Variants in DARS1 observed in about 807,000 individuals in gnomAD.
DARS1 encodes the protein aspartyl-tRNA synthetase 1.
In DARS1, 51 loss-of-function variants were observed where a neutral mutation model predicts 68.8. The observed-to-expected ratio is 0.74, with a 90% CI of 0.59 to 0.94. DARS1 has a LOEUF of 0.94. Among genes scored for constraint, DARS1 ranks in the 40% least tolerant of loss-of-function variants. The pLI is 0.00. For synonymous variants in DARS1, 203 were observed against 190.4 expected (o/e 1.07, Z -0.55); for missense variants, 607 against 597.3 (o/e 1.02, Z -0.17).
intron 3 of DARS1, among the ~76,000 whole-genome samples, chr2:135,968,045 A>G (rs1402152408): frequency 6.6e-6 from 1 of 152,174 alleles, no homozygotes; most frequent in African/African-American, 2.4e-5. Context: ...AGATCACCTG[A>G]GGTCAGGAGT....
At chr2:135,927,626 C>T (rs945621525) in intron 7 of DARS1, among the ~76,000 whole-genome samples, 1 of 152,052 alleles carries the variant, frequency 6.6e-6, no homozygotes, top group African/African-American at 2.4e-5. Context: ...TATATGCCTC[C>T]TAGTACTGGG....
intron 15 of DARS1, among the ~76,000 whole-genome samples, chr2:135,907,665 C>A (rs755922416): frequency 6.6e-6 from 1 of 151,978 alleles, no homozygotes; most frequent in Non-Finnish European, 1.5e-5. Flanking sequence ...AAAATCTATA[C>A]GAATGAACAA....
intron 4 of DARS1, among the ~76,000 whole-genome samples, chr2:135,954,342 AAAAG>A (rs1016909313): frequency 6.6e-6 from 1 of 151,466 alleles, no homozygotes; most frequent in Non-Finnish European, 1.5e-5. Context: ...AAAAAAAAAA[AAAAG>A]AGAGAGAGAA....
At chr2:135,957,604 G>T (rs541538143) in intron 4 of DARS1, among the ~76,000 whole-genome samples, 14 of 152,100 alleles carry the variant, frequency 9.2e-5, no homozygotes, top group Non-Finnish European at 1.8e-4. Flanking sequence ...TCAAGTGAAC[G>T]GCCCATTTTG....
At chr2:135,941,731 A>C (rs902649296) in intron 5 of DARS1, among the ~76,000 whole-genome samples, 11 of 151,950 alleles carry the variant, frequency 7.2e-5, no homozygotes, top group Admixed American at 6.5e-4. Flanking sequence ...CAACCTACAA[A>C]ATGGGAGAAA....
intron 7 of DARS1, among the ~76,000 whole-genome samples, chr2:135,929,011 G>GT (rs1390834653): frequency 2.0e-5 from 3 of 152,160 alleles, no homozygotes; most frequent in Admixed American, 2.0e-4. Flanking sequence ...GATTCCAGCT[G>GT]TATGTGTTCA....
rs188243739 is a variant in DARS1, at chr2:135,977,441, G to A, written c.217+1833C>T. ...AGTCGTAAAATAAAGGGATGGGTGTGAAGGGAAATATTCTTGGTTCAGGCT... is the reference window on the plus strand; with the variant it reads ...AGTCGTAAAATAAAGGGATGGGTGTAAAGGGAAATATTCTTGGTTCAGGCT... On this transcript the variant is annotated intron_variant, in intron 3 of 15. Transcript: ENST00000264161. Among the ~76,000 whole-genome samples the A allele has an allele frequency of 4.4e-3, 675 of 152,330 alleles. 3 individuals are homozygous for A. Among genetic ancestry groups the A allele is most frequent in the Non-Finnish European group, 7.3e-3 (494 of 68,020 alleles).
chr2:135,957,828 A>G (rs993482629), intron 4 of DARS1, among the ~76,000 whole-genome samples: 2 of 152,180 alleles, frequency 1.3e-5, no homozygotes, highest in African/African-American at 4.8e-5. Flanking sequence ...CAAATACCAA[A>G]CTACTGTAAA....
rs1287190190 is a variant in DARS1, at chr2:135,932,882, C to G, written c.505-40G>C. On this transcript the variant is annotated intron_variant, in intron 6 of 15. Transcript: ENST00000264161. ...AAAGAAAAGAAAAAAATAAATTTTA[C>G]TAATATTTTGAAGAGCACAAAAAAT... The G allele has an allele frequency of 2.1e-6, 2 of 955,854 alleles. 1 individual carries two copies. Among genetic ancestry groups the G allele is most frequent in the South Asian group, 3.0e-5 (2 of 67,382 alleles). The allele number at this position is 955,854 out of a possible 1,614,324, so 59.2% of individuals were successfully genotyped here.
chr2:135,966,204 G>C (rs1053526965), intron 3 of DARS1, among the ~76,000 whole-genome samples: 75 of 150,226 alleles, frequency 5.0e-4, no homozygotes, highest in African/African-American at 1.6e-3. Flanking sequence ...ACACAAGAAA[G>C]AACAGTGGCT....
rs771113496 is a variant in DARS1 at position 135,911,180 on chromosome 2, G to T, written c.1373C>A (p.Ser458Tyr). ...ATGAGGAGGGGCTCCAAAGCGGAAG[G>T]AATCAATGTAAGCCTTAATTTTCTC... ...DLEKIKAYID[S>Y]FRFGAPPHAG... The change falls in exon 15 of 16, where the codon TCC (serine) becomes TAC (tyrosine). Residue 458 changes from serine to tyrosine, a missense_variant. Transcript: ENST00000264161. The T allele has an allele frequency of 6.5e-7, 1 of 1,548,538 alleles. No homozygotes were observed. Among genetic ancestry groups the T allele is most frequent in the South Asian group, 1.1e-5 (1 of 89,600 alleles).
At chr2:135,921,959 GTATT>G (rs1681116510) in intron 9 of DARS1, among the ~76,000 whole-genome samples, 2 of 152,116 alleles carry the variant, frequency 1.3e-5, no homozygotes, top group Non-Finnish European at 2.9e-5. Context: ...CTATTAGCAA[GTATT>G]TAATTTTTAT....
Position 135,983,400 on chromosome 2 carries a change from GT to G in DARS1, c.120del (p.Lys40AsnfsTer12). 2 of 1,113,982 alleles carry G rather than the reference GT, an allele frequency of 1.8e-6. No homozygotes were observed. The highest frequency in any genetic ancestry group is 2.7e-6 in the Non-Finnish European group (2 of 731,174). The allele number at this position is 1,113,982 out of a possible 1,614,324, so 69.0% of individuals were successfully genotyped here. A position where few individuals can be genotyped will look rare whatever the true frequency, so the allele number is the denominator to read the frequency against. On this transcript the variant is annotated frameshift_variant, in exon 2 of 16. Coordinates refer to ENST00000264161, the MANE Select transcript of DARS1 (RefSeq NM_001349.4). LOFTEE classifies it high-confidence loss of function. The part of the protein sequence containing the change: ...GISSMIQSQE[K>X]PDRVLVRVRD... The stretch of plus-strand genomic sequence containing the variant: ...TTACTGTCACATAGCTACTAACCTG[GT>G]TTTTCTTGTGATTGTATCATTGAAG...
At chr2:135,954,658 A>G (rs962905948) in intron 4 of DARS1, among the ~76,000 whole-genome samples, 13 of 152,194 alleles carry the variant, frequency 8.5e-5, no homozygotes, top group Non-Finnish European at 1.6e-4. Flanking sequence ...AAATAAAGCA[A>G]GTGTAGTTAC....
At chr2:135,931,428 G>T (rs191538604) in intron 7 of DARS1, among the ~76,000 whole-genome samples, 19 of 152,122 alleles carry the variant, frequency 1.2e-4, no homozygotes, top group African/African-American at 4.3e-4. Context: ...AAGGAGACAG[G>T]GGTCTTGCCA....
intron 5 of DARS1, among the ~76,000 whole-genome samples, chr2:135,940,503 C>T (rs1465535336): frequency 6.6e-6 from 1 of 152,118 alleles, no homozygotes; most frequent in Non-Finnish European, 1.5e-5. Flanking sequence ...ATAGATGAGA[C>T]GTATCTCAAA....
chr2:135,984,835 T>TAATTCATATTATC (rs1682734562), intron 1 of DARS1, among the ~76,000 whole-genome samples: 1 of 152,062 alleles, frequency 6.6e-6, no homozygotes, highest in Non-Finnish European at 1.5e-5. Flanking sequence ...TGATTTGGGG[T>TAATTCATATTATC]CACTTCACCT....
chr2:135,965,720 A>G (rs767849824), intron 3 of DARS1, among the ~76,000 whole-genome samples: 14 of 152,228 alleles, frequency 9.2e-5, no homozygotes, highest in Non-Finnish European at 2.1e-4. Context: ...CTCAATAAAT[A>G]CATTTTTTAG....
At chr2:135,931,883 T>A (rs970287503) in intron 7 of DARS1, among the ~76,000 whole-genome samples, 5 of 152,004 alleles carry the variant, frequency 3.3e-5, no homozygotes, top group African/African-American at 9.7e-5. Context: ...ACTCCTCAGG[T>A]CAAATTCTAG....
Sources: gnomAD v4.1 joint callset for allele counts (sites outside exome capture counted in the v4.1 genomes callset) on GRCh38, gnomAD v4.1.1 for gene constraint, MANE v1.5 for transcripts, NCBI Gene and HGNC (gene_info 2026-07-23, HGNC 2026-07-21) for gene names.